PSD3: variants seen among roughly 807,000 people sequenced by gnomAD.
PSD3 encodes the protein PH and SEC7 domain-containing protein 3.
Under a neutral mutation model 105.5 loss-of-function variants are expected in PSD3, and 49 were observed. The observed-to-expected ratio is 0.46, with a 90% CI of 0.37 to 0.59. The LOEUF (loss-of-function observed/expected upper bound fraction) is 0.59, where lower values mean the gene tolerates loss of function less well. PSD3 is among the 20% of genes least tolerant of loss of function. The pLI, the probability that PSD3 is intolerant of heterozygous loss-of-function variation, is 0.00. For missense variants in PSD3, 1,561 were observed against 1,263.8 expected (o/e 1.24, Z -3.57); for synonymous variants, 557 against 457.8 (o/e 1.22, Z -2.77).
intron 9 of PSD3, among the ~76,000 whole-genome samples, chr8:18,747,099 A>G (rs1233972550): frequency 6.6e-6 from 1 of 152,230 alleles, no homozygotes. Context: ...TTTAAGATTG[A>G]AAAGGGCTTC....
At chr8:18,702,619 C>CTTTTT (rs1379630861) in intron 9 of PSD3, among the ~76,000 whole-genome samples, 1 of 149,616 alleles carries the variant, frequency 6.7e-6, no homozygotes. Flanking sequence ...TTCTTTCTTT[C>CTTTTT]TTTCTTTTTT....
At chr8:18,984,414 T>C (rs957714295) in intron 1 of PSD3, among the ~76,000 whole-genome samples, 14 of 152,004 alleles carry the variant, frequency 9.2e-5, no homozygotes, top group African/African-American at 3.4e-4. Context: ...GAAGACAACA[T>C]CACTGCATTA....
chr8:18,563,703 C>T (rs968455496), intron 14 of PSD3, among the ~76,000 whole-genome samples: 4 of 151,822 alleles, frequency 2.6e-5, no homozygotes, highest in Non-Finnish European at 4.4e-5. Context: ...ATACAGACCT[C>T]GAAGAAATGA....
intron 9 of PSD3, among the ~76,000 whole-genome samples, chr8:18,694,937 C>G (rs1411606430): frequency 2.0e-5 from 3 of 152,064 alleles, no homozygotes; most frequent in Non-Finnish European, 4.4e-5. Context: ...AATACTAACT[C>G]TTAGATATTT....
At chr8:18,742,312 C>G (rs946432323) in intron 9 of PSD3, among the ~76,000 whole-genome samples, 9 of 151,978 alleles carry the variant, frequency 5.9e-5, no homozygotes, top group Non-Finnish European at 1.2e-4. Context: ...TCACCAAAAC[C>G]ACAAAGACAG....
chr8:18,890,740 C>G (rs951916986), intron 2 of PSD3, among the ~76,000 whole-genome samples: 3 of 150,092 alleles, frequency 2.0e-5, no homozygotes, highest in African/African-American at 7.4e-5. Context: ...AGCTCATTGT[C>G]TTGAGTTACT....
At chr8:18,633,315 G>A (rs1807031805) in intron 10 of PSD3, among the ~76,000 whole-genome samples, 1 of 151,936 alleles carries the variant, frequency 6.6e-6, no homozygotes, top group Non-Finnish European at 1.5e-5. Flanking sequence ...CAAATAACCA[G>A]GCTAGTCCCT....
chr8:18,552,796 A>G (rs1472495449), intron 15 of PSD3, among the ~76,000 whole-genome samples: 1 of 152,224 alleles, frequency 6.6e-6, no homozygotes, highest in Non-Finnish European at 1.5e-5. Flanking sequence ...TTAGATTCCA[A>G]ACCACAGCTT....
At chr8:18,812,396 G>T (rs1425293939) in intron 4 of PSD3, among the ~76,000 whole-genome samples, 1 of 152,118 alleles carries the variant, frequency 6.6e-6, no homozygotes, top group East Asian at 1.9e-4. Context: ...AATATTGAAG[G>T]GTTCTGAGTA....
Position 18,872,025 on chromosome 8 carries a change from T to A in PSD3, c.839A>T (p.His280Leu). ...KEQRSALGRE[H>L]PGGCDRSSSM... ...GCTGCTTCGATCACATCCCCCTGGG[T>A]GCTCTCTCCCAAGAGCAGACCTCTG... The change falls in exon 3 of 16, where the codon CAC becomes CTC. Residue 280 changes from histidine to leucine, a missense_variant. Transcript: ENST00000327040. 6.2e-7 allele frequency: 1 copy of A among 1,614,130 alleles called. No homozygotes were observed. The highest frequency in any genetic ancestry group is 8.5e-7 in the Non-Finnish European group (1 of 1,180,006).
intron 2 of PSD3, among the ~76,000 whole-genome samples, chr8:18,907,244 C>T (rs901513031): frequency 2.6e-5 from 4 of 152,262 alleles, no homozygotes; most frequent in Admixed American, 1.3e-4. Context: ...ATTCACTCAC[C>T]GATTCACTCA....
At chr8:18,856,994 C>T (rs568648639) in intron 4 of PSD3, among the ~76,000 whole-genome samples, 9 of 152,296 alleles carry the variant, frequency 5.9e-5, no homozygotes, top group Admixed American at 3.9e-4. Context: ...CCACACTCTT[C>T]GCCACCAACC....
chr8:18,916,249 G>A (rs1160535371), intron 2 of PSD3, among the ~76,000 whole-genome samples: 2 of 141,816 alleles, frequency 1.4e-5, no homozygotes, highest in African/African-American at 5.2e-5. Context: ...GCCAAGATAT[G>A]AAATTGACCT....
At chr8:18,715,785 ACTCCAACC>A (rs1802543977) in intron 9 of PSD3, among the ~76,000 whole-genome samples, 1 of 152,072 alleles carries the variant, frequency 6.6e-6, no homozygotes, top group Non-Finnish European at 1.5e-5. Flanking sequence ...ATTTCTTCTT[ACTCCAACC>A]CTCCAGGCAG....
chr8:18,837,789 A>G (rs1814241642), intron 4 of PSD3, among the ~76,000 whole-genome samples: 1 of 152,210 alleles, frequency 6.6e-6, no homozygotes, highest in Non-Finnish European at 1.5e-5. Flanking sequence ...TTTAATTAAA[A>G]TTTAAACATA....
At chr8:18,930,632 C>T (rs1036581935) in intron 2 of PSD3, among the ~76,000 whole-genome samples, 4 of 147,174 alleles carry the variant, frequency 2.7e-5, no homozygotes, top group Non-Finnish European at 4.4e-5. Context: ...TACAGTGGTG[C>T]GATCTCAGCT....
intron 9 of PSD3, among the ~76,000 whole-genome samples, chr8:18,754,696 CTG>C (rs913233982): frequency 4.6e-5 from 7 of 152,060 alleles, no homozygotes; most frequent in African/African-American, 4.8e-5. Context: ...TACATGGACT[CTG>C]TAATTATTCT....
At chr8:18,958,332 G>A (rs1372278403) in intron 1 of PSD3, among the ~76,000 whole-genome samples, 1 of 152,158 alleles carries the variant, frequency 6.6e-6, no homozygotes, top group Non-Finnish European at 1.5e-5. Flanking sequence ...GGTTTCTGAG[G>A]TTAGAGAAAG....
intron 4 of PSD3, among the ~76,000 whole-genome samples, chr8:18,857,073 C>T (rs117487306): frequency 2.1e-3 from 318 of 152,326 alleles, no homozygotes; most frequent in Admixed American, 3.8e-3. Flanking sequence ...CCTATCACCA[C>T]CACACCTAAG....
Sources: gnomAD v4.1 joint callset for allele counts (sites outside exome capture counted in the v4.1 genomes callset) on GRCh38, gnomAD v4.1.1 for gene constraint, MANE v1.5 for transcripts, NCBI Gene and HGNC (gene_info 2026-07-23, HGNC 2026-07-21) for gene names.